The following CNTN1 variants were observed in gnomAD, a reference collection of about 807,000 sequenced individuals.
The protein encoded by CNTN1 is contactin-1.
In CNTN1, 38 loss-of-function variants were observed where a neutral mutation model predicts 126.4. That is an observed-to-expected ratio of 0.30 (90% CI 0.23 to 0.39). CNTN1 has a LOEUF of 0.39. CNTN1 is among the 10% of genes least tolerant of loss of function. CNTN1 has a pLI of 1.00. For missense variants in CNTN1, 1,009 were observed against 1,248.4 expected, an observed-to-expected ratio of 0.81 and a Z score of 2.89; for synonymous variants, 413 against 422.6, an observed-to-expected ratio of 0.98 and a Z score of 0.28.
intron 16 of CNTN1, among the ~76,000 whole-genome samples, chr12:40,984,127 A>T (rs1175762683): frequency 6.6e-6 from 1 of 151,054 alleles, no homozygotes; most frequent in African/African-American, 2.4e-5. Context: ...AAATATATAT[A>T]TTACATCTCT....
At chr12:40,711,624 C>A (rs183195409) in intron 1 of CNTN1, among the ~76,000 whole-genome samples, 2 of 152,008 alleles carry the variant, frequency 1.3e-5, no homozygotes, top group African/African-American at 4.8e-5. Flanking sequence ...TGACCACAGT[C>A]ATTTCTCCTT....
intron 1 of CNTN1, among the ~76,000 whole-genome samples, chr12:40,752,504 A>G (rs1475478476): frequency 1.3e-5 from 2 of 152,138 alleles, no homozygotes; most frequent in Non-Finnish European, 2.9e-5. Flanking sequence ...TTTAAAAAAT[A>G]TCTACGTAGA....
intron 17 of CNTN1, among the ~76,000 whole-genome samples, chr12:41,010,782 T>C (rs775593367): frequency 1.3e-5 from 2 of 152,174 alleles, no homozygotes; most frequent in Non-Finnish European, 2.9e-5. Context: ...GCCCTTGCTC[T>C]TCATAGGCCC....
intron 15 of CNTN1, among the ~76,000 whole-genome samples, chr12:40,964,564 G>A (rs1947235856): frequency 1.3e-5 from 2 of 150,312 alleles, no homozygotes; most frequent in Admixed American, 6.7e-5. Flanking sequence ...GTGTGTGCAT[G>A]CAGCTTTCCA....
chr12:40,818,902 T>C (rs1346376617), intron 1 of CNTN1, among the ~76,000 whole-genome samples: 1 of 152,178 alleles, frequency 6.6e-6, no homozygotes, highest in African/African-American at 2.4e-5. Context: ...TGTCACTTTG[T>C]CCTTGTTTGT....
At chr12:40,778,208 T>G (rs1596534) in intron 1 of CNTN1, among the ~76,000 whole-genome samples, 15,724 of 151,880 alleles carry the variant, frequency 0.1, 987 homozygotes, top group Admixed American at 0.2. Context: ...AAAAGTATCT[T>G]GGCTTCACCA....
chr12:40,754,053 G>A (rs1938505325), intron 1 of CNTN1, among the ~76,000 whole-genome samples: 1 of 151,994 alleles, frequency 6.6e-6, no homozygotes, highest in Non-Finnish European at 1.5e-5. Context: ...TATTCCACCA[G>A]TATGAAAGCC....
intron 1 of CNTN1, among the ~76,000 whole-genome samples, chr12:40,720,516 G>C (rs189369363): frequency 1.3e-3 from 205 of 152,194 alleles, no homozygotes; most frequent in Non-Finnish European, 2.3e-3. Flanking sequence ...TGTTTGTTTT[G>C]TGTTTTTGAG....
chr12:40,770,581 G>T (rs762711539), intron 1 of CNTN1, among the ~76,000 whole-genome samples: 7 of 152,082 alleles, frequency 4.6e-5, no homozygotes, highest in Non-Finnish European at 1.0e-4. Flanking sequence ...TTGAAGCCAT[G>T]AAAAGAATTA....
intron 16 of CNTN1, among the ~76,000 whole-genome samples, chr12:40,988,823 T>C (rs1265169398): frequency 1.3e-5 from 2 of 152,150 alleles, no homozygotes; most frequent in African/African-American, 4.8e-5. Context: ...ACACAAAGTT[T>C]AGTTTTTTTT....
chr12:40,768,274 G>A (rs576306504), intron 1 of CNTN1, among the ~76,000 whole-genome samples: 1 of 152,206 alleles, frequency 6.6e-6, no homozygotes, highest in Admixed American at 6.5e-5. Flanking sequence ...TGAAGGTCAC[G>A]TAGCTGGTAA....
chr12:41,056,749 CG>C (rs1486402704), intron 23 of CNTN1, among the ~76,000 whole-genome samples: 2 of 151,180 alleles, frequency 1.3e-5, no homozygotes, highest in Non-Finnish European at 3.0e-5. Context: ...AGACTCCATC[CG>C]TACAAGTGGA....
intron 1 of CNTN1, among the ~76,000 whole-genome samples, chr12:40,863,193 T>A (rs1261191597): frequency 6.6e-6 from 1 of 152,168 alleles, no homozygotes; most frequent in Admixed American, 6.6e-5. Context: ...TTATGTTCAA[T>A]GCTGGACTGT....
chr12:40,750,089 A>C (rs1484930434), intron 1 of CNTN1, among the ~76,000 whole-genome samples: 1 of 152,112 alleles, frequency 6.6e-6, no homozygotes, highest in Non-Finnish European at 1.5e-5. Flanking sequence ...GAATTGGTTC[A>C]GAAGAATGAG....
intron 1 of CNTN1, among the ~76,000 whole-genome samples, chr12:40,888,324 G>A (rs1944124561): frequency 6.6e-6 from 1 of 151,828 alleles, no homozygotes; most frequent in Non-Finnish European, 1.5e-5. Context: ...CCTTATACGT[G>A]TACTTTATAT....
At chr12:40,842,473 C>T (rs1299659919) in intron 1 of CNTN1, among the ~76,000 whole-genome samples, 1 of 152,076 alleles carries the variant, frequency 6.6e-6, no homozygotes, top group African/African-American at 2.4e-5. Context: ...TTGATCATCA[C>T]ACATTGTATA....
intron 1 of CNTN1, among the ~76,000 whole-genome samples, chr12:40,830,732 G>A (rs7961659): frequency 0.42 from 57,721 of 138,076 alleles, 12,355 homozygotes; most frequent in East Asian, 0.68. Context: ...TACTTATGTT[G>A]TAATAAATTG....
At chr12:40,820,163 T>C (rs528473653) in intron 1 of CNTN1, among the ~76,000 whole-genome samples, 3 of 152,114 alleles carry the variant, frequency 2.0e-5, no homozygotes, top group Non-Finnish European at 4.4e-5. Flanking sequence ...AGAGATGACA[T>C]GGTAAGAGAG....
At chr12:41,052,265 A>G (rs554485274) in intron 23 of CNTN1, among the ~76,000 whole-genome samples, 2 of 152,284 alleles carry the variant, frequency 1.3e-5, no homozygotes, top group East Asian at 1.9e-4. Flanking sequence ...TATCTTTTGG[A>G]TAAAGACATT....
Sources: allele counts gnomAD v4.1 joint callset (sites outside exome capture counted in the v4.1 genomes callset), GRCh38; gene constraint gnomAD v4.1.1; transcripts MANE v1.5; gene names NCBI Gene and HGNC (gene_info 2026-07-23, HGNC 2026-07-21).